The following LATS2 variants were observed in gnomAD, a reference collection of about 807,000 sequenced individuals.
LATS2 encodes the protein large tumor suppressor kinase 2, also known as serine/threonine-protein kinase LATS2.
LATS2 carries 24 observed loss-of-function variants against 76.0 expected under a neutral mutation model. That is an observed-to-expected ratio of 0.32 (90% confidence interval 0.23 to 0.44). The LOEUF (loss-of-function observed/expected upper bound fraction) is 0.44, where lower values mean the gene tolerates loss of function less well. Among genes scored for constraint, LATS2 ranks in the 20% least tolerant of loss-of-function variants. LATS2 has a pLI of 1.00. For missense variants in LATS2, 1,286 were observed against 1,481.2 expected (o/e 0.87, Z 2.16); for synonymous variants, 692 against 635.4 (o/e 1.09, Z -1.34).
At chr13:21,024,829 G>C (rs1418914125) in intron 2 of LATS2, among the ~76,000 whole-genome samples, 2 of 151,794 alleles carry the variant, frequency 1.3e-5, no homozygotes, top group Non-Finnish European at 2.9e-5. Context: ...CTTCCAAATC[G>C]GGTGTGTATC....
chr13:21,008,577 C>T (rs929698720), intron 2 of LATS2, among the ~76,000 whole-genome samples: 1 of 152,108 alleles, frequency 6.6e-6, no homozygotes, highest in African/African-American at 2.4e-5. Flanking sequence ...GAATTCAAAA[C>T]TTAAATAGTC....
At position 20,974,672 on chromosome 13, in the gene LATS2, T is replaced by G; in HGVS notation, c.*198A>C. 1.7e-6 allele frequency: 1 copy of G among 580,170 alleles called. No individual in the cohort carries two copies. 35.9% of individuals were successfully genotyped at this position (580,170 alleles called of 1,614,324 possible). A position where few individuals can be genotyped will look rare whatever the true frequency, so the allele number is the denominator to read the frequency against. ...AATGCAGTGAAGGTCCTGAAAAGCCTATTGAAAGCGATGCTGAGTCCTGTT... is the reference window on the plus strand; with the variant it reads ...AATGCAGTGAAGGTCCTGAAAAGCCGATTGAAAGCGATGCTGAGTCCTGTT... On this transcript the variant is annotated 3_prime_UTR_variant, in exon 8 of 8. Coordinates refer to ENST00000382592, the MANE Select transcript of LATS2 (RefSeq NM_014572.3).
chr13:21,055,504 T>C (rs946110249), intron 1 of LATS2, among the ~76,000 whole-genome samples: 2 of 152,240 alleles, frequency 1.3e-5, no homozygotes, highest in African/African-American at 4.8e-5. Context: ...TTAATATAGG[T>C]GGCCTGTGTA....
rs1491267404 is a variant in LATS2, at chr13:21,007,703, T to TA, written c.343-16300_343-16299insT. 4.2e-3 allele frequency among the ~76,000 whole-genome samples: 2 copies of TA among 474 alleles called. 1 individual carries two copies. The highest frequency in any genetic ancestry group is 6.7e-3 in the African/African-American group (2 of 300). The allele number at this position is 474 out of a possible 152,430, so 0.3% of individuals were successfully genotyped here. A position where few individuals can be genotyped will look rare whatever the true frequency, so the allele number is the denominator to read the frequency against. The stretch of plus-strand genomic sequence containing the variant: ...ATATAGTATATATATATATATAGTA[T>TA]GTATATATATATATATATAGTATAT... On this transcript the variant is annotated intron_variant, in intron 2 of 7. Coordinates refer to ENST00000382592, the MANE Select transcript of LATS2 (RefSeq NM_014572.3).
At chr13:20,992,560 G>A (rs1258225528) in intron 2 of LATS2, among the ~76,000 whole-genome samples, 3 of 152,156 alleles carry the variant, frequency 2.0e-5, no homozygotes, top group African/African-American at 7.2e-5. Context: ...AAAGAACACC[G>A]TTGAGGCTGG....
Position 20,988,855 on chromosome 13 carries a change from C to CGGCA in LATS2, c.921_924dup (p.Ala309CysfsTer54). 6.3e-7 allele frequency: 1 copy of CGGCA among 1,587,420 alleles called. No homozygotes were observed. Among genetic ancestry groups the CGGCA allele is most frequent in the Non-Finnish European group, 8.5e-7 (1 of 1,172,962 alleles). ...TGTGGGTGCGGCACGTAGAGCCCGG[C>CGGCA]GGCAGGGGGTGGGAAAGCGAGGCCG... On this transcript the variant is annotated frameshift_variant, in exon 4 of 8. Coordinates refer to ENST00000382592, the MANE Select transcript of LATS2 (RefSeq NM_014572.3). LOFTEE classifies it high-confidence loss of function.
rs752232946 is a variant in LATS2 at position 20,988,283 on chromosome 13, GGCGCCTGCGCCGCCCAGC to G, written c.1479_1496del (p.Leu494_Ala499del). The G allele has an allele frequency of 1.3e-6, 2 of 1,590,244 alleles. No homozygotes were observed. The highest frequency in any genetic ancestry group is 2.7e-5 in the African/African-American group (2 of 74,606). On this transcript the variant is annotated inframe_deletion, in exon 4 of 8. Coordinates refer to ENST00000382592, the MANE Select transcript of LATS2 (RefSeq NM_014572.3). ...CTCCGTACTCCACGTCCAGCGGGAAGGCGCCTGCGCCGCCCAGCGCCAGGGCATGCTCCTCCTTGGCGT... is the reference window on the plus strand; with the variant it reads ...CTCCGTACTCCACGTCCAGCGGGAAGGCCAGGGCATGCTCCTCCTTGGCGT...
Position 20,991,527 on chromosome 13 carries a change from G to T in LATS2, c.343-123C>A. ...TTCGCCTCTGTACTGCTGAGAACCT[G>T]CGATATGCTGCAGGAGACCCTCAGA... On this transcript the variant is annotated intron_variant, in intron 2 of 7. Transcript: ENST00000382592. This position sits in a 1 kb window ranked among gnomAD's most constrained non-coding sequence, Gnocchi z 4.9. 1 of 1,074,794 alleles carries T rather than the reference G, an allele frequency of 9.3e-7. No homozygotes were observed. Among genetic ancestry groups the T allele is most frequent in the Non-Finnish European group, 1.3e-6 (1 of 742,970 alleles). The allele number at this position is 1,074,794 out of a possible 1,614,324, so 66.6% of individuals were successfully genotyped here. A position where few individuals can be genotyped will look rare whatever the true frequency, so the allele number is the denominator to read the frequency against.
intron 1 of LATS2, among the ~76,000 whole-genome samples, chr13:21,051,556 A>C (rs1331424317): frequency 6.6e-6 from 1 of 152,180 alleles, no homozygotes; most frequent in Non-Finnish European, 1.5e-5. Context: ...AAATGGGGCC[A>C]GTGGTGGTGC....
At chr13:21,054,112 C>T (rs1484082961) in intron 1 of LATS2, among the ~76,000 whole-genome samples, 18 of 152,154 alleles carry the variant, frequency 1.2e-4, no homozygotes, top group Non-Finnish European at 5.9e-5. Flanking sequence ...CTCCTAACTA[C>T]TCCTATTTAG....
chr13:20,996,062 A>G lies in LATS2; in HGVS notation c.343-4658T>C, dbSNP rs574844890. On this transcript the variant is annotated intron_variant, in intron 2 of 7. Transcript: ENST00000382592. ...TAGAAAAAGGATGCTAATCCATTGA[A>G]GTTGGTTACCACGCCCATAAATTAA... 3.5e-3 allele frequency among the ~76,000 whole-genome samples: 537 copies of G among 152,286 alleles called. 9 individuals are homozygous for G. Among genetic ancestry groups the G allele is most frequent in the African/African-American group, 0.012 (518 of 41,554 alleles).
intron 5 of LATS2, among the ~76,000 whole-genome samples, chr13:20,983,008 A>AT (rs1240943642): frequency 6.6e-6 from 1 of 151,566 alleles, no homozygotes. Flanking sequence ...AAAAAAAAAA[A>AT]AAAAGTAAAC....
chr13:21,051,646 G>T (rs760486874), intron 1 of LATS2, among the ~76,000 whole-genome samples: 6 of 152,150 alleles, frequency 3.9e-5, no homozygotes, highest in Admixed American at 6.5e-5. Context: ...GAGGAGGAAG[G>T]CAGTGACCAA....
At chr13:21,011,834 T>C (rs1432924390) in intron 2 of LATS2, among the ~76,000 whole-genome samples, 2 of 152,262 alleles carry the variant, frequency 1.3e-5, no homozygotes, top group East Asian at 1.9e-4. Flanking sequence ...CAAACCTAGA[T>C]GCTACAGCCC....
chr13:20,976,549 G>C (rs1223810604), intron 7 of LATS2, among the ~76,000 whole-genome samples: 1 of 152,072 alleles, frequency 6.6e-6, no homozygotes, highest in Non-Finnish European at 1.5e-5. Context: ...ATTTGAAAAG[G>C]GGTTAGTACC....
At chr13:20,992,324 C>T (rs879267478) in intron 2 of LATS2, among the ~76,000 whole-genome samples, 18 of 152,098 alleles carry the variant, frequency 1.2e-4, no homozygotes, top group African/African-American at 4.3e-4. Flanking sequence ...TGCAGGCATT[C>T]GAGGAAGCTT....
At chr13:21,016,649 C>G (rs991713055) in intron 2 of LATS2, among the ~76,000 whole-genome samples, 2 of 152,174 alleles carry the variant, frequency 1.3e-5, no homozygotes, top group Admixed American at 6.5e-5. Context: ...ACACTTCACC[C>G]CAGCCAACCC....
chr13:20,996,691 T>A (rs1164531707), intron 2 of LATS2, among the ~76,000 whole-genome samples: 1 of 152,106 alleles, frequency 6.6e-6, no homozygotes, highest in Non-Finnish European at 1.5e-5. Flanking sequence ...TGATAGAAGA[T>A]TCTGGATACT....
At chr13:21,014,739 A>G (rs1473243766) in intron 2 of LATS2, among the ~76,000 whole-genome samples, 2 of 152,246 alleles carry the variant, frequency 1.3e-5, no homozygotes, top group South Asian at 2.1e-4. Context: ...AGGGTCAAGG[A>G]AAGAAGAAAT....
Sources: allele counts gnomAD v4.1 joint callset (sites outside exome capture counted in the v4.1 genomes callset), GRCh38; gene constraint gnomAD v4.1.1; non-coding constraint Gnocchi (gnomAD v3.1); transcripts MANE v1.5; gene names NCBI Gene and HGNC (gene_info 2026-07-23, HGNC 2026-07-21).